The following GLIS3 variants were observed in gnomAD, a reference collection of about 807,000 sequenced individuals.
GLIS3 encodes GLIS family zinc finger 3, also known as zinc finger protein GLIS3.
In GLIS3, 53 loss-of-function variants were observed where a neutral mutation model predicts 78.6. That is an observed-to-expected ratio of 0.67 (90% CI 0.54 to 0.85). The LOEUF (loss-of-function observed/expected upper bound fraction) is 0.85, where lower values mean the gene tolerates loss of function less well. Ranked by LOEUF, GLIS3 falls within the 40% of genes least tolerant of loss-of-function variation. The pLI is 0.00. For missense variants in GLIS3, 1,703 were observed against 1,231.1 expected (o/e 1.38, Z -5.74); for synonymous variants, 684 against 509.9 (o/e 1.34, Z -4.60).
intron 7 of GLIS3, chr9:3,898,470 G>T: frequency 3.3e-6 from 2 of 597,516 alleles, no homozygotes; most frequent in Non-Finnish European, 6.0e-6. Flanking sequence ...ATAACTAAAA[G>T]AGGTAATGCA....
At chr9:4,410,122 C>T in the GLIS3 span, among the ~76,000 whole-genome samples, 4 of 151,804 alleles carry the variant, frequency 2.6e-5, no homozygotes, top group Non-Finnish European at 4.4e-5. Context: ...AGAAATGCAC[C>T]ACCATGCCCG....
chr9:4,394,263 C>G, the GLIS3 span, among the ~76,000 whole-genome samples: 356 of 151,034 alleles, frequency 2.4e-3, 2 homozygotes, highest in African/African-American at 8.2e-3. Context: ...AAATTATTAT[C>G]TCATAATTTT....
intron 2 of GLIS3, among the ~76,000 whole-genome samples, chr9:4,195,117 T>TC (rs1414739753): frequency 8.5e-5 from 13 of 152,294 alleles, no homozygotes; most frequent in African/African-American, 3.1e-4. Flanking sequence ...GGAGAAGAGC[T>TC]CCTCCAACTG....
chr9:4,125,013 G>A (rs1045981044), intron 3 of GLIS3, among the ~76,000 whole-genome samples: 12 of 152,184 alleles, frequency 7.9e-5, no homozygotes. Context: ...CCTTGAGAGA[G>A]ATAAAGCTTT....
At chr9:4,366,727 G>C in the GLIS3 span, among the ~76,000 whole-genome samples, 1 of 152,220 alleles carries the variant, frequency 6.6e-6, no homozygotes, top group Non-Finnish European at 1.5e-5. Context: ...CCAGGCCTAG[G>C]AGTGCCAGTA....
the GLIS3 span, among the ~76,000 whole-genome samples, chr9:4,440,031 G>C: frequency 6.6e-6 from 1 of 152,138 alleles, no homozygotes; most frequent in Non-Finnish European, 1.5e-5. Context: ...CGCCCATTTT[G>C]TAATAGGTTT....
At chr9:4,323,154 C>A (rs1014036789) in intron 2 of GLIS3, among the ~76,000 whole-genome samples, 20 of 152,108 alleles carry the variant, frequency 1.3e-4, no homozygotes, top group African/African-American at 7.2e-5. Flanking sequence ...TTCCCAGCAC[C>A]ATTTATTAAA....
At chr9:4,377,987 C>T in the GLIS3 span, among the ~76,000 whole-genome samples, 3 of 152,124 alleles carry the variant, frequency 2.0e-5, no homozygotes, top group African/African-American at 7.2e-5. Context: ...CCATGGATTA[C>T]TCTGCAGCCA....
Position 4,181,665 on chromosome 9 carries a change from A to G in GLIS3, c.389-55724T>C, listed in dbSNP as rs148793256. Among the ~76,000 whole-genome samples the G allele has an allele frequency of 6.2e-4, 94 of 152,342 alleles. 1 individual carries two copies. In the East Asian group the frequency reaches 0.015, roughly 24 times the overall value. On this transcript the variant is annotated intron_variant, in intron 2 of 10. Coordinates refer to ENST00000381971, the MANE Select transcript of GLIS3 (RefSeq NM_001042413.2). Reference sequence around the variant, plus strand: ...ACACTGAGAGGTGGAATCTATCTATATATTCTTTGAAGCCGTACTTCACTG... The same window carrying G: ...ACACTGAGAGGTGGAATCTATCTATGTATTCTTTGAAGCCGTACTTCACTG...
chr9:4,190,463 G>A (rs966082967), intron 2 of GLIS3, among the ~76,000 whole-genome samples: 8 of 139,832 alleles, frequency 5.7e-5, no homozygotes, highest in African/African-American at 2.0e-4. Context: ...GAAATGAAGC[G>A]AGAAGGGAAG....
chr9:3,920,149 G>A (rs369265978), intron 6 of GLIS3, among the ~76,000 whole-genome samples: 7 of 151,854 alleles, frequency 4.6e-5, no homozygotes, highest in South Asian at 4.2e-4. Flanking sequence ...GACTACAGGC[G>A]CCCGCCACCA....
At chr9:3,907,464 G>A (rs1823785889) in intron 6 of GLIS3, among the ~76,000 whole-genome samples, 1 of 152,122 alleles carries the variant, frequency 6.6e-6, no homozygotes, top group East Asian at 1.9e-4. Context: ...TGATATAAAT[G>A]TGGCAGAAAC....
chr9:4,035,830 A>G (rs1824254454), intron 4 of GLIS3: 1 of 152,302 alleles, frequency 6.6e-6, no homozygotes, highest in Admixed American at 6.5e-5. Flanking sequence ...CAAGCCCACG[A>G]CACTGACCAT....
the GLIS3 span, among the ~76,000 whole-genome samples, chr9:4,368,979 G>A: frequency 6.6e-6 from 1 of 152,014 alleles, no homozygotes; most frequent in Non-Finnish European, 1.5e-5. Flanking sequence ...AACAAACAAT[G>A]GGAAAAAGAA....
chr9:4,082,502 A>C (rs987091458), intron 4 of GLIS3, among the ~76,000 whole-genome samples: 1 of 152,200 alleles, frequency 6.6e-6, no homozygotes, highest in East Asian at 1.9e-4. Flanking sequence ...GAGAAGAAAA[A>C]CAACCTATCT....
intron 1 of GLIS3, among the ~76,000 whole-genome samples, chr9:4,294,134 C>A (rs1028774636): frequency 6.6e-6 from 1 of 152,214 alleles, no homozygotes; most frequent in Non-Finnish European, 1.5e-5. Context: ...ACTTTAGGCC[C>A]TCCTTGATCC....
At chr9:4,428,478 T>C in the GLIS3 span, among the ~76,000 whole-genome samples, 1 of 111,852 alleles carries the variant, frequency 8.9e-6, no homozygotes, top group Non-Finnish European at 1.7e-5. Flanking sequence ...AGTGAGACTC[T>C]GTCTCAAAAA....
At chr9:4,390,125 A>T in the GLIS3 span, among the ~76,000 whole-genome samples, 223 of 152,388 alleles carry the variant, frequency 1.5e-3, no homozygotes, top group Non-Finnish European at 2.9e-3. Flanking sequence ...GGACATGTAT[A>T]GATGCCTGAA....
intron 4 of GLIS3, among the ~76,000 whole-genome samples, chr9:4,028,758 T>C (rs1391095853): frequency 6.6e-6 from 1 of 152,186 alleles, no homozygotes; most frequent in Non-Finnish European, 1.5e-5. Flanking sequence ...CAAATGGAAA[T>C]ACAGAACATT....
Sources: gnomAD v4.1 joint callset for allele counts (sites outside exome capture counted in the v4.1 genomes callset) on GRCh38, gnomAD v4.1.1 for gene constraint, MANE v1.5 for transcripts, NCBI Gene and HGNC (gene_info 2026-07-23, HGNC 2026-07-21) for gene names.